CACNA1B: variants seen among roughly 807,000 people sequenced by gnomAD.
CACNA1B encodes calcium voltage-gated channel subunit alpha1 B.
A neutral mutation model predicts 247.2 loss-of-function variants in CACNA1B; 70 were observed. That is an observed-to-expected ratio of 0.28 (90% confidence interval 0.23 to 0.35). The LOEUF (loss-of-function observed/expected upper bound fraction) is 0.35. Among genes scored for constraint, CACNA1B ranks in the 10% least tolerant of loss-of-function variants. CACNA1B has a pLI of 1.00. For missense variants in CACNA1B, 2,367 were observed against 3,197.4 expected (o/e 0.74, Z 6.26); for synonymous variants, 1,231 against 1,294.4 (o/e 0.95, Z 1.05).
At chr9:137,944,100 A>G (rs1957765988) in intron 6 of CACNA1B, among the ~76,000 whole-genome samples, 1 of 152,120 alleles carries the variant, frequency 6.6e-6, no homozygotes, top group East Asian at 1.9e-4. Flanking sequence ...CATTCAGGGC[A>G]TTGCCAGTGA....
chr9:138,044,781 C>T (rs1162732158), intron 21 of CACNA1B, among the ~76,000 whole-genome samples: 3 of 152,240 alleles, frequency 2.0e-5, no homozygotes, highest in African/African-American at 7.2e-5. Flanking sequence ...TCTTCTTTCA[C>T]CACCCAACCG....
At chr9:138,023,991 G>C (rs1958887806) in intron 19 of CACNA1B, among the ~76,000 whole-genome samples, 180 bp downstream of exon 19, 1 of 152,226 alleles carries the variant, frequency 6.6e-6, no homozygotes. Flanking sequence ...TGACAATCCT[G>C]CCTTGCAGGG....
Position 137,939,964 on chromosome 9 carries a change from G to A in CACNA1B, c.967-12310G>A, listed in dbSNP as rs192998531. Among the ~76,000 whole-genome samples, 1,463 of 151,904 alleles carry A rather than the reference G, an allele frequency of 9.6e-3. 8 individuals carry two copies. The highest frequency in any genetic ancestry group is 0.012 in the South Asian group (59 of 4,798). On this transcript the variant is annotated intron_variant, in intron 6 of 46. Coordinates refer to ENST00000371372, the MANE Select transcript of CACNA1B (RefSeq NM_000718.4). ...GTTCATAGCCCTAAATACCTACATC[G>A]AAAAGTCTGAACGAGCACAAACAGA... is the stretch of plus-strand genomic sequence containing the variant.
chr9:138,025,692 C>G (rs1958912417), intron 20 of CACNA1B, among the ~76,000 whole-genome samples: 1 of 152,222 alleles, frequency 6.6e-6, no homozygotes, highest in Non-Finnish European at 1.5e-5. Context: ...CTTTCCTCCC[C>G]TTGCTCACTC....
intron 20 of CACNA1B, among the ~76,000 whole-genome samples, chr9:138,036,833 A>G (rs1475490866): frequency 1.3e-5 from 2 of 152,168 alleles, no homozygotes; most frequent in African/African-American, 4.8e-5. Context: ...TTTAGGTGTA[A>G]TACGCCAATA....
At chr9:137,958,769 C>T (rs1440015584) in intron 10 of CACNA1B, among the ~76,000 whole-genome samples, 1 of 152,172 alleles carries the variant, frequency 6.6e-6, no homozygotes, top group African/African-American at 2.4e-5. Context: ...GGCCAACCTT[C>T]GCCCTCATCC....
At chr9:138,108,043 A>G (rs1007161983) in intron 39 of CACNA1B, among the ~76,000 whole-genome samples, 16 of 147,968 alleles carry the variant, frequency 1.1e-4, no homozygotes, top group South Asian at 2.2e-4. Context: ...AAAAAAAAAA[A>G]AGAGATAACC....
chr9:137,912,084 G>A (rs972655490), intron 3 of CACNA1B, among the ~76,000 whole-genome samples: 4 of 152,190 alleles, frequency 2.6e-5, no homozygotes, highest in African/African-American at 9.7e-5. Context: ...TAATTCTTTA[G>A]TTGTGTAATG....
intron 20 of CACNA1B, among the ~76,000 whole-genome samples, chr9:138,033,613 T>C (rs952817298): frequency 2.6e-5 from 4 of 152,152 alleles, no homozygotes; most frequent in Admixed American, 1.3e-4. Context: ...TGAGACCAGG[T>C]AATTTATAAA....
chr9:137,935,083 C>T (rs533369976), intron 6 of CACNA1B, among the ~76,000 whole-genome samples: 13 of 152,182 alleles, frequency 8.5e-5, no homozygotes, highest in Admixed American at 1.3e-4. Context: ...AAAAATGATA[C>T]GAGAAATGAG....
Position 137,971,602 on chromosome 9 carries a change from C to G in CACNA1B, c.1543+10C>G. 5 of 1,606,882 alleles carry G rather than the reference C, an allele frequency of 3.1e-6. No individual in the cohort carries two copies. Among genetic ancestry groups the G allele is most frequent in the Non-Finnish European group, 4.3e-6 (5 of 1,175,088 alleles). On this transcript the variant is annotated intron_variant, in intron 11 of 46. Coordinates refer to ENST00000371372, the MANE Select transcript of CACNA1B (RefSeq NM_000718.4). This position sits in a 1 kb window ranked among gnomAD's most constrained non-coding sequence, Gnocchi z 4.4. Reference sequence around the variant, plus strand: ...CTTACCACGACCCTGTGTACGTATCCCCGTCCCTCCCTCAGGTGCTTCCTG... The same window carrying G: ...CTTACCACGACCCTGTGTACGTATCGCCGTCCCTCCCTCAGGTGCTTCCTG...
At chr9:137,903,551 A>C (rs957563506) in intron 3 of CACNA1B, among the ~76,000 whole-genome samples, 11 of 152,012 alleles carry the variant, frequency 7.2e-5, no homozygotes, top group Non-Finnish European at 1.2e-4. Flanking sequence ...TTCTTCTTTG[A>C]ATCATTTTTT....
chr9:138,109,221 A>G (rs1031566779), intron 39 of CACNA1B, among the ~76,000 whole-genome samples: 6 of 152,222 alleles, frequency 3.9e-5, no homozygotes, highest in African/African-American at 1.4e-4. Context: ...ACAAACTTGG[A>G]AAGGCAATTA....
At chr9:137,908,181 T>C (rs1396368062) in intron 3 of CACNA1B, among the ~76,000 whole-genome samples, 1 of 152,210 alleles carries the variant, frequency 6.6e-6, no homozygotes, top group African/African-American at 2.4e-5. Flanking sequence ...GATGAGCTTG[T>C]TAAGTTCTAC....
chr9:138,112,734 T>A (rs1961685536), intron 40 of CACNA1B, among the ~76,000 whole-genome samples: 1 of 152,154 alleles, frequency 6.6e-6, no homozygotes, highest in Admixed American at 6.5e-5. Flanking sequence ...TGTGTGGAAT[T>A]TATTTTTTTT....
In CACNA1B at chr9:137,891,691, T is replaced by C. The variant is rs1300129104; in HGVS notation, c.530+8808T>C. The C allele has an allele frequency of 8.0e-6, 2 of 249,628 alleles. No individual in the cohort carries two copies. The highest frequency in any genetic ancestry group is 1.6e-5 in the Non-Finnish European group (2 of 127,030). 15.5% of individuals were successfully genotyped at this position (249,628 alleles called of 1,614,324 possible). A position where few individuals can be genotyped will look rare whatever the true frequency, so the allele number is the denominator to read the frequency against. On this transcript the variant is annotated intron_variant, in intron 3 of 46. Transcript: ENST00000371372. This position sits in a 1 kb window ranked among gnomAD's most constrained non-coding sequence, Gnocchi z 4.3. ...ACACTGAGGTGAGGATGGTTGCTAA[T>C]GGCTTCTCGGGCCCTGGACTAGAAG...
At position 138,121,493 on chromosome 9, in the gene CACNA1B, C is replaced by T. The variant is rs760320086; in HGVS notation, c.6514C>T (p.Pro2172Ser). The change falls in exon 47 of 47, where the codon CCC becomes TCC. Residue 2172 changes from proline to serine, a missense_variant. Pro to Ser is a moderately conservative substitution (Grantham distance 74). Coordinates refer to ENST00000371372, the MANE Select transcript of CACNA1B (RefSeq NM_000718.4). The surrounding 1 kb of genome is among the most constrained non-coding windows in gnomAD (Gnocchi z 6.8). ...PQGSGSVNGS[P>S]LLSTSGASTP... ...GGGCAGTGGTTCCGTGAATGGGAGC[C>T]CCTTGCTGTCAACATCTGGTGCTAG... 1 of 1,540,328 alleles carries T rather than the reference C, an allele frequency of 6.5e-7. No individual in the cohort carries two copies.
At chr9:138,025,935 G>C (rs1365888271) in intron 20 of CACNA1B, among the ~76,000 whole-genome samples, 1 of 152,190 alleles carries the variant, frequency 6.6e-6, no homozygotes, top group Non-Finnish European at 1.5e-5. Context: ...ATAGAAACAG[G>C]ACTCACATGA....
chr9:138,087,074 G>A (rs1189250574), intron 36 of CACNA1B, among the ~76,000 whole-genome samples: 1 of 151,132 alleles, frequency 6.6e-6, no homozygotes, highest in Non-Finnish European at 1.5e-5. Flanking sequence ...ATGGGCCAAG[G>A]AAGAAATTAA....
Sources: allele counts gnomAD v4.1 joint callset (sites outside exome capture counted in the v4.1 genomes callset), GRCh38; gene constraint gnomAD v4.1.1; non-coding constraint Gnocchi (gnomAD v3.1); transcripts MANE v1.5; gene names NCBI Gene and HGNC (gene_info 2026-07-23, HGNC 2026-07-21).